TACC2: variants seen among roughly 807,000 people sequenced by gnomAD.
TACC2 encodes transforming acidic coiled-coil containing protein 2.
In TACC2, 137 loss-of-function variants were observed where a neutral mutation model predicts 227.3. That is an observed-to-expected ratio of 0.60 (90% confidence interval 0.52 to 0.69). The LOEUF (loss-of-function observed/expected upper bound fraction) is 0.69, where lower values mean the gene tolerates loss of function less well. Ranked by LOEUF, TACC2 falls within the 30% of genes least tolerant of loss-of-function variation. The pLI, the probability that TACC2 is intolerant of heterozygous loss-of-function variation, is 0.00. For synonymous variants in TACC2, 1,523 were observed against 1,487.5 expected, an observed-to-expected ratio of 1.02 and a Z score of -0.55; for missense variants, 3,470 against 3,694.4, an observed-to-expected ratio of 0.94 and a Z score of 1.57.
chr10:122,134,348 A>AT lies in TACC2; in HGVS notation c.5699+1623dup, dbSNP rs566129350. ...CACCATGCCCACCTAATTTTCTTGT[A>AT]TTTTTTTTTAGTAGAGATGGGATTT... On this transcript the variant is annotated intron_variant, in intron 6 of 22. Transcript: ENST00000369005. Among the ~76,000 whole-genome samples, 852 of 150,028 alleles carry AT rather than the reference A, an allele frequency of 5.7e-3. 3 individuals are homozygous for AT. Among genetic ancestry groups the AT allele is most frequent in the South Asian group, 0.025 (115 of 4,692 alleles).
intron 5 of TACC2, among the ~76,000 whole-genome samples, chr10:122,103,189 T>C (rs2082365783): frequency 6.6e-6 from 1 of 152,176 alleles, no homozygotes; most frequent in Admixed American, 6.5e-5. Flanking sequence ...GCTGGGTTCC[T>C]CATGTCATAT....
intron 7 of TACC2, among the ~76,000 whole-genome samples, chr10:122,173,832 G>A (rs2140123804): frequency 6.6e-6 from 1 of 152,320 alleles, no homozygotes; most frequent in East Asian, 1.9e-4. Context: ...CTGCTATGGA[G>A]CACACACCAT....
chr10:122,067,507 G>GTTT (rs34479310), intron 3 of TACC2, among the ~76,000 whole-genome samples: 10 of 129,628 alleles, frequency 7.7e-5, no homozygotes, highest in Non-Finnish European at 7.9e-5. Flanking sequence ...ACTGTTTCTG[G>GTTT]TTTTTTTTTT....
intron 7 of TACC2, among the ~76,000 whole-genome samples, chr10:122,191,941 G>A (rs943771050): frequency 2.0e-5 from 3 of 152,178 alleles, no homozygotes; most frequent in South Asian, 2.1e-4. Flanking sequence ...GGCCTCCAAA[G>A]TGCTGCTTTA....
At chr10:122,031,690 A>G (rs139466239) in intron 2 of TACC2, among the ~76,000 whole-genome samples, 1,929 of 151,192 alleles carry the variant, frequency 0.013, 21 homozygotes, top group Non-Finnish European at 0.018. Flanking sequence ...GGCGTGAGCC[A>G]CCACGCCTGG....
At position 122,227,981 on chromosome 10, in the gene TACC2, G is replaced by C. The variant is rs201932773; in HGVS notation, c.7869G>C (p.Leu2623Phe). The C allele has an allele frequency of 7.1e-5, 115 of 1,613,900 alleles. 1 individual carries two copies. The highest frequency in any genetic ancestry group is 5.1e-4 in the Middle Eastern group (3 of 5,840). Residue 2623 changes from leucine (L) to phenylalanine (F), a missense_variant, in exon 14 of 23, where the codon TTG (leucine) becomes TTC (phenylalanine). Leu to Phe is a conservative substitution (Grantham distance 22). Coordinates refer to ENST00000369005, the MANE Select transcript of TACC2 (RefSeq NM_206862.4). ...AGAAGGAGCTGGAGGCCATGGGCTT[G>C]GGCACCCCTTCAGAAGCGATTGAAA... is the stretch of plus-strand genomic sequence containing the variant. ...SSQKELEAMGLGTPSEAIEIT... is the reference protein window; with the variant it reads ...SSQKELEAMGFGTPSEAIEIT...
At chr10:122,056,267 C>T (rs955004898) in intron 3 of TACC2, among the ~76,000 whole-genome samples, 24 of 152,206 alleles carry the variant, frequency 1.6e-4, no homozygotes, top group African/African-American at 4.6e-4. Context: ...CTCCGCCTCC[C>T]GGGTTCTAGC....
In TACC2 at chr10:122,143,572, C is replaced by G. The variant is rs749174067; in HGVS notation, c.5700C>G (p.Ser1900Arg). ...AATAATTCCCTCATTGTGTCCCCAGCATCTCCCCAGCTGCTGCCCATGCGG... is the reference window on the plus strand; with the variant it reads ...AATAATTCCCTCATTGTGTCCCCAGGATCTCCCCAGCTGCTGCCCATGCGG... ...GQVSTDLIAQSISPAAAHAGL... is the reference protein window; with the variant it reads ...GQVSTDLIAQRISPAAAHAGL... The change falls in exon 7 of 23, where the codon AGC becomes AGG. Residue 1900 changes from serine (S) to arginine (R), a missense_variant and splice_region_variant. Coordinates refer to ENST00000369005, the MANE Select transcript of TACC2 (RefSeq NM_206862.4). The G allele has an allele frequency of 5.6e-6, 9 of 1,613,796 alleles. No homozygotes were observed. Among genetic ancestry groups the G allele is most frequent in the Non-Finnish European group, 7.6e-6 (9 of 1,179,784 alleles).
At chr10:121,993,313 A>G (rs551986187) in intron 1 of TACC2, among the ~76,000 whole-genome samples, 1 of 152,366 alleles carries the variant, frequency 6.6e-6, no homozygotes, top group Admixed American at 6.5e-5. Flanking sequence ...TCTGAATACT[A>G]GAATAATTTT....
intron 3 of TACC2, among the ~76,000 whole-genome samples, chr10:122,064,176 A>AGT (rs956838532): frequency 3.3e-5 from 5 of 151,872 alleles, no homozygotes; most frequent in South Asian, 4.2e-4. Context: ...AACAACAAAA[A>AGT]GTGTGTGTGT....
At chr10:122,000,059 G>T (rs1037476235) in intron 1 of TACC2, among the ~76,000 whole-genome samples, 1 of 152,190 alleles carries the variant, frequency 6.6e-6, no homozygotes, top group African/African-American at 2.4e-5. Context: ...GGAGACACCA[G>T]GTCTCATGTA....
intron 5 of TACC2, among the ~76,000 whole-genome samples, chr10:122,118,102 T>C (rs2085055984): frequency 6.6e-6 from 1 of 151,454 alleles, no homozygotes; most frequent in Admixed American, 6.6e-5. Context: ...CAACCCCTGC[T>C]TCCCCGGGTT....
At chr10:122,192,558 A>G (rs1181631241) in intron 7 of TACC2, 8 of 395,952 alleles carry the variant, frequency 2.0e-5, no homozygotes, top group Non-Finnish European at 4.2e-5. Flanking sequence ...AGCTCACAGC[A>G]TCTGTGGCCG....
rs188243883 is a variant in TACC2 at position 122,079,035 on chromosome 10, C to G, written c.147-3612C>G. 3.9e-5 allele frequency: 6 copies of G among 152,362 alleles called. No individual in the cohort carries two copies. In the East Asian group the frequency reaches 1.2e-3, roughly 29 times the overall value. The allele number at this position is 152,362 out of a possible 1,614,324, so 9.4% of individuals were successfully genotyped here. A position where few individuals can be genotyped will look rare whatever the true frequency, so the allele number is the denominator to read the frequency against. On this transcript the variant is annotated intron_variant, in intron 3 of 22. Coordinates refer to ENST00000369005, the MANE Select transcript of TACC2 (RefSeq NM_206862.4). ...CACATCCTTTCCTAAGTTGGCAGTT[C>G]CTGTCAGAGGCGTGGACAAGAAAGT...
rs186217253 is a variant in TACC2 at position 121,996,356 on chromosome 10, T to C, written c.-46+6868T>C. Among the ~76,000 whole-genome samples, 10 of 152,184 alleles carry C rather than the reference T, an allele frequency of 6.6e-5. No individual in the cohort carries two copies. In the East Asian group the frequency reaches 1.7e-3, roughly 27 times the overall value. ...CAGAAGAGAACTGCCTCACCTAGCC[T>C]CCAGCCCCTTTTAAACAACCAGCTG... On this transcript the variant is annotated intron_variant, in intron 1 of 22. Coordinates refer to ENST00000369005, the MANE Select transcript of TACC2 (RefSeq NM_206862.4).
chr10:122,091,594 T>C (rs1256431584), intron 5 of TACC2, among the ~76,000 whole-genome samples: 3 of 152,126 alleles, frequency 2.0e-5, no homozygotes, highest in African/African-American at 7.2e-5. Context: ...AAAATTCGGA[T>C]TGGACTCTCT....
chr10:122,112,431 A>G (rs958194026), intron 5 of TACC2, among the ~76,000 whole-genome samples: 1 of 152,246 alleles, frequency 6.6e-6, no homozygotes, highest in African/African-American at 2.4e-5. Flanking sequence ...GCAACAGCCA[A>G]ATAGAACGCA....
intron 3 of TACC2, among the ~76,000 whole-genome samples, chr10:122,081,200 C>A (rs2137033880): frequency 6.6e-6 from 1 of 152,048 alleles, no homozygotes; most frequent in Non-Finnish European, 1.5e-5. Flanking sequence ...TTTGTGTTGG[C>A]CACATATTAT....
rs565775504 is a variant in TACC2 at position 122,022,130 on chromosome 10, C to A, written c.33+116C>A. On this transcript the variant is annotated intron_variant, in intron 2 of 22. Transcript: ENST00000369005. ...GAAGGAGCAAACAAGACAGCTTCTG[C>A]GTAGATGTGTGCGGGCATTTATGGA... 3.0e-6 allele frequency: 3 copies of A among 990,162 alleles called. No homozygotes were observed. In the East Asian group the frequency reaches 7.5e-5, roughly 25 times the overall value. 61.3% of individuals were successfully genotyped at this position (990,162 alleles called of 1,614,324 possible).
Sources: allele counts gnomAD v4.1 joint callset (sites outside exome capture counted in the v4.1 genomes callset), GRCh38; gene constraint gnomAD v4.1.1; transcripts MANE v1.5; gene names NCBI Gene and HGNC (gene_info 2026-07-23, HGNC 2026-07-21).